Variants in KCNK10 observed in about 807,000 individuals in gnomAD.
KCNK10 encodes the protein potassium two pore domain channel subfamily K member 10.
KCNK10 carries 25 observed loss-of-function variants against 47.7 expected under a neutral mutation model. That is an observed-to-expected ratio of 0.52 (90% CI 0.38 to 0.73). The LOEUF is 0.73. Among genes scored for constraint, KCNK10 ranks in the 30% least tolerant of loss-of-function variants. The pLI, the probability that KCNK10 is intolerant of heterozygous loss-of-function variation, is 0.00. For missense variants in KCNK10, 563 were observed against 714.5 expected, an observed-to-expected ratio of 0.79 and a Z score of 2.42; for synonymous variants, 303 against 285.6, an observed-to-expected ratio of 1.06 and a Z score of -0.61.
chr14:88,267,941 G>A (rs556762799), intron 1 of KCNK10, among the ~76,000 whole-genome samples: 19 of 152,174 alleles, frequency 1.2e-4, no homozygotes, highest in African/African-American at 4.1e-4. Context: ...CACTACATTC[G>A]GTCCTCACTA....
intron 1 of KCNK10, among the ~76,000 whole-genome samples, chr14:88,272,147 G>C (rs1243145698): frequency 6.6e-6 from 1 of 152,148 alleles, no homozygotes; most frequent in Non-Finnish European, 1.5e-5. Context: ...CTCCTCCCTG[G>C]AAAGGGACAG....
Position 88,197,859 on chromosome 14 carries a change from GGAGAGAGAGAGAGA to G in KCNK10, c.682-5463_682-5450del, listed in dbSNP as rs71126969. ...AAACAGAAGGAAGGAAGGAGGGAAG[GGAGAGAGAGAGAGA>G]GAGAGAGAGAGAGAGAGAGAGAAGG... is the stretch of plus-strand genomic sequence containing the variant. On this transcript the variant is annotated intron_variant, in intron 4 of 6. Transcript: ENST00000319231. Among the ~76,000 whole-genome samples, 128 of 125,422 alleles carry G rather than the reference GGAGAGAGAGAGAGA, an allele frequency of 1.0e-3. 4 individuals are homozygous for G. In the South Asian group the frequency reaches 0.023, roughly 23 times the overall value. The allele number at this position is 125,422 out of a possible 152,430, so 82.3% of individuals were successfully genotyped here. A position where few individuals can be genotyped will look rare whatever the true frequency, so the allele number is the denominator to read the frequency against.
At position 88,181,032 on chromosome 14, in the gene KCNK10, C is replaced by A; in HGVS notation, c.*4503G>T. 2.6e-6 allele frequency: 1 copy of A among 390,978 alleles called. No individual in the cohort carries two copies. The highest frequency in any genetic ancestry group is 4.5e-6 in the Non-Finnish European group (1 of 221,620). 24.2% of individuals were successfully genotyped at this position (390,978 alleles called of 1,614,324 possible). A position where few individuals can be genotyped will look rare whatever the true frequency, so the allele number is the denominator to read the frequency against. On this transcript the variant is annotated 3_prime_UTR_variant, in exon 7 of 7. Transcript: ENST00000319231. ...GTGAGAAAGAATAACCCCATATTAG[C>A]AAAATGCAACAAGCAGAGATGTGGA...
At chr14:88,293,570 T>G (rs956775909) in intron 1 of KCNK10, among the ~76,000 whole-genome samples, 2 of 152,000 alleles carry the variant, frequency 1.3e-5, no homozygotes, top group Non-Finnish European at 2.9e-5. Context: ...CCACTCTCCA[T>G]CTCAGCAGTC....
intron 4 of KCNK10, among the ~76,000 whole-genome samples, chr14:88,214,376 GT>G (rs1041046547): frequency 6.6e-6 from 1 of 152,198 alleles, no homozygotes; most frequent in African/African-American, 2.4e-5. Context: ...ATTTCCTCCT[GT>G]TTTTAACATT....
At chr14:88,318,026 C>A (rs184363293) in intron 1 of KCNK10, among the ~76,000 whole-genome samples, 4 of 152,360 alleles carry the variant, frequency 2.6e-5, no homozygotes, top group Admixed American at 2.6e-4. Context: ...TCCACCCTCA[C>A]TGCACTTCTA....
At chr14:88,262,127 A>G (rs1236619150) in intron 2 of KCNK10, among the ~76,000 whole-genome samples, 1 of 152,212 alleles carries the variant, frequency 6.6e-6, no homozygotes, top group Non-Finnish European at 1.5e-5. Flanking sequence ...TTTAATGTGC[A>G]TCTTCCAGAG....
chr14:88,261,859 A>AT (rs1196893166), intron 2 of KCNK10, among the ~76,000 whole-genome samples: 1 of 152,090 alleles, frequency 6.6e-6, no homozygotes, highest in African/African-American at 2.4e-5. Context: ...TTAACATTTT[A>AT]TTTTTTTGAG....
At chr14:88,218,968 C>T (rs1003188302) in intron 4 of KCNK10, among the ~76,000 whole-genome samples, 3 of 152,162 alleles carry the variant, frequency 2.0e-5, no homozygotes, top group Non-Finnish European at 4.4e-5. Flanking sequence ...ACATTGGTTT[C>T]ATGGTGTAGA....
At chr14:88,227,832 C>T (rs1886035804) in intron 3 of KCNK10, among the ~76,000 whole-genome samples, 1 of 152,090 alleles carries the variant, frequency 6.6e-6, no homozygotes, top group South Asian at 2.1e-4. Context: ...TCTGAAACAC[C>T]AAGCATCATG....
Position 88,193,007 on chromosome 14 carries a change from C to T in KCNK10, c.682-597G>A, listed in dbSNP as rs546442209. Among the ~76,000 whole-genome samples the T allele has an allele frequency of 3.9e-5, 6 of 152,298 alleles. No individual in the cohort carries two copies. In the South Asian group the frequency reaches 1.0e-3, roughly 26 times the overall value. On this transcript the variant is annotated intron_variant, in intron 4 of 6. Coordinates refer to ENST00000319231, the MANE Select transcript of KCNK10 (RefSeq NM_138317.3). Reference sequence around the variant, plus strand: ...TGTGTTTCTTCGCCCCCACATTTTCCCTGCTGAGGCTGTACATTTATAACA... The same window carrying T: ...TGTGTTTCTTCGCCCCCACATTTTCTCTGCTGAGGCTGTACATTTATAACA...
intron 1 of KCNK10, among the ~76,000 whole-genome samples, chr14:88,297,167 A>G (rs541853051): frequency 1.3e-5 from 2 of 152,218 alleles, no homozygotes; most frequent in Non-Finnish European, 2.9e-5. Context: ...AAATATATGC[A>G]TGAATAAACA....
At chr14:88,215,111 T>C (rs1028579863) in intron 4 of KCNK10, among the ~76,000 whole-genome samples, 3 of 152,148 alleles carry the variant, frequency 2.0e-5, no homozygotes, top group Non-Finnish European at 4.4e-5. Flanking sequence ...CAGGGTAACT[T>C]ACTGTACAGC....
At chr14:88,190,564 T>A (rs1323153717) in intron 5 of KCNK10, among the ~76,000 whole-genome samples, 1 of 152,090 alleles carries the variant, frequency 6.6e-6, no homozygotes, top group Non-Finnish European at 1.5e-5. Context: ...GGAAAATGGG[T>A]AGAGTCCCAG....
At chr14:88,307,449 C>T (rs1201036661) in intron 1 of KCNK10, among the ~76,000 whole-genome samples, 1 of 151,980 alleles carries the variant, frequency 6.6e-6, no homozygotes, top group African/African-American at 2.4e-5. Flanking sequence ...TTGCCAGGGA[C>T]TGGGAGAGAT....
At chr14:88,210,948 T>C (rs573089382) in intron 4 of KCNK10, among the ~76,000 whole-genome samples, 3 of 152,152 alleles carry the variant, frequency 2.0e-5, no homozygotes, top group African/African-American at 7.2e-5. Context: ...AGTGTCACGG[T>C]TCCTCAGAAA....
intron 1 of KCNK10, among the ~76,000 whole-genome samples, chr14:88,282,655 A>G (rs1887676012): frequency 6.6e-6 from 1 of 152,206 alleles, no homozygotes; most frequent in African/African-American, 2.4e-5. Flanking sequence ...ATTTCAGCAC[A>G]ATTGCACACT....
Position 88,322,751 on chromosome 14 carries a change from A to G in KCNK10, c.48T>C (p.Pro16=). 1 of 1,614,180 alleles carries G rather than the reference A, an allele frequency of 6.2e-7. No homozygotes were observed. Among genetic ancestry groups the G allele is most frequent in the Non-Finnish European group, 8.5e-7 (1 of 1,180,014 alleles). ...ETPRKQVNWD[P]KVAVPAAAPV... is the part of the protein sequence containing the mutation. ...CCAAAAGTAGGAAACACCCACCTTT[A>G]GGATCCCAGTTCACCTGTTTTCTTG... is the stretch of plus-strand genomic sequence containing the variant. The change falls in exon 1 of 7, where the codon CCT becomes CCC. Residue 16 remains proline, a synonymous_variant. Transcript: ENST00000319231. The surrounding 1 kb of genome is among the most constrained non-coding windows in gnomAD (Gnocchi z 4.8).
chr14:88,188,081 C>G lies in KCNK10; in HGVS notation c.897G>C (p.Glu299Asp), dbSNP rs529139160. ...AGGNAGINYR[E>D]WYKPLVWFWI... ...AAAACCACACTAGGGGCTTATACCA[C>G]TCCCGATAATTGATGCCAGCGTTTC... is the stretch of plus-strand genomic sequence containing the variant. The change falls in exon 6 of 7, where the codon GAG (glutamate) becomes GAC (aspartate). Residue 299 changes from glutamate to aspartate, a missense_variant. By Grantham distance (45) the Glu-to-Asp change is conservative. Coordinates refer to ENST00000319231, the MANE Select transcript of KCNK10 (RefSeq NM_138317.3). 24 of 1,614,108 alleles carry G rather than the reference C, an allele frequency of 1.5e-5. No homozygotes were observed. In the African/African-American group the frequency reaches 1.7e-4, roughly 12 times the overall value.
Sources: gnomAD v4.1 joint callset for allele counts (sites outside exome capture counted in the v4.1 genomes callset) on GRCh38, gnomAD v4.1.1 for gene constraint, Gnocchi (gnomAD v3.1) non-coding constraint, MANE v1.5 for transcripts, NCBI Gene and HGNC (gene_info 2026-07-23, HGNC 2026-07-21) for gene names.